Variants in SEC63 observed in about 807,000 individuals in gnomAD.
SEC63 encodes translocation protein SEC63 homolog.
SEC63 carries 56 observed loss-of-function variants against 116.2 expected under a neutral mutation model. The ratio of observed to expected loss-of-function variants is 0.48; its 90% CI spans 0.39 to 0.60. The LOEUF (loss-of-function observed/expected upper bound fraction) is 0.60, where lower values mean the gene tolerates loss of function less well. Among genes scored for constraint, SEC63 ranks in the 20% least tolerant of loss-of-function variants. The pLI is 0.00. For missense variants in SEC63, 668 were observed against 900.0 expected (o/e 0.74, Z 3.30); for synonymous variants, 273 against 294.6 (o/e 0.93, Z 0.75).
chr6:107,951,141 GCA>G (rs1434271434), intron 1 of SEC63, among the ~76,000 whole-genome samples: 5 of 152,166 alleles, frequency 3.3e-5, no homozygotes, highest in African/African-American at 1.2e-4. Context: ...TTACAAGAAA[GCA>G]CAAAGTGGGC....
intron 16 of SEC63, among the ~76,000 whole-genome samples, chr6:107,888,412 G>C (rs1436710246): frequency 6.6e-6 from 1 of 152,104 alleles, no homozygotes. Context: ...TTGGTGTATA[G>C]GAATGCTTGT....
intron 1 of SEC63, among the ~76,000 whole-genome samples, chr6:107,948,690 C>A (rs906044359): frequency 1.3e-5 from 2 of 152,112 alleles, no homozygotes; most frequent in Admixed American, 6.6e-5. Flanking sequence ...GACTTTCCTC[C>A]CTGCCCTCCT....
intron 1 of SEC63, among the ~76,000 whole-genome samples, chr6:107,935,204 T>C (rs1275178310): frequency 1.9e-4 from 28 of 150,050 alleles, no homozygotes; most frequent in Admixed American, 1.5e-3. Flanking sequence ...GCCGCCCGTC[T>C]GGGAGATGAG....
At position 107,909,039 on chromosome 6, in the gene SEC63, A is replaced by G; in HGVS notation, c.625-4T>C. 3 of 1,590,518 alleles carry G rather than the reference A, an allele frequency of 1.9e-6. No homozygotes were observed. Among genetic ancestry groups the G allele is most frequent in the Non-Finnish European group, 1.7e-6 (2 of 1,158,944 alleles). The stretch of plus-strand genomic sequence containing the variant: ...TTGAGCGATACCACCAAGAGCCCTA[A>G]AACACAAAAAAAATTAAACAAGAAA... On this transcript the variant is annotated splice_region_variant and splice_polypyrimidine_tract_variant and intron_variant, in intron 7 of 20. Coordinates refer to ENST00000369002, the MANE Select transcript of SEC63 (RefSeq NM_007214.5).
chr6:107,921,219 G>T (rs752702519), intron 4 of SEC63, among the ~76,000 whole-genome samples: 1 of 151,586 alleles, frequency 6.6e-6, no homozygotes, highest in Middle Eastern at 3.2e-3. Context: ...TCTAGAAATG[G>T]TAAGATCTAA....
chr6:107,903,766 T>G (rs1196287316), intron 11 of SEC63, among the ~76,000 whole-genome samples: 1 of 152,140 alleles, frequency 6.6e-6, no homozygotes, highest in African/African-American at 2.4e-5. Flanking sequence ...AATTCACTGT[T>G]AGAAAAAATG....
At chr6:107,945,777 A>C (rs909104937) in intron 1 of SEC63, among the ~76,000 whole-genome samples, 7 of 152,170 alleles carry the variant, frequency 4.6e-5, no homozygotes, top group Non-Finnish European at 1.0e-4. Context: ...TTATGTCTGA[A>C]TAAAAAGTAT....
chr6:107,903,857 T>C (rs112033998), intron 11 of SEC63, among the ~76,000 whole-genome samples: 2 of 152,102 alleles, frequency 1.3e-5, no homozygotes, highest in Admixed American at 6.6e-5. Flanking sequence ...TAAATTATCA[T>C]GCCTGTAATC....
At chr6:107,944,564 G>T (rs547237630) in intron 1 of SEC63, among the ~76,000 whole-genome samples, 12 of 152,230 alleles carry the variant, frequency 7.9e-5, no homozygotes, top group Admixed American at 2.0e-4. Context: ...GCAGGTGGTG[G>T]TGTATGCCTG....
At position 107,876,851 on chromosome 6, in the gene SEC63, C is replaced by T. The variant is rs564790189; in HGVS notation, c.1936-189G>A. On this transcript the variant is annotated intron_variant, in intron 18 of 20. Coordinates refer to ENST00000369002, the MANE Select transcript of SEC63 (RefSeq NM_007214.5). ...GTTCTTAACATTTGTAGATCCATTGCCTAAAAGCATTTTGTATGCAATTTT... is the reference window on the plus strand; with the variant it reads ...GTTCTTAACATTTGTAGATCCATTGTCTAAAAGCATTTTGTATGCAATTTT... 9.0e-6 allele frequency: 5 copies of T among 555,930 alleles called. No homozygotes were observed. In the East Asian group the frequency reaches 1.5e-4, roughly 17 times the overall value. 34.4% of individuals were successfully genotyped at this position (555,930 alleles called of 1,614,324 possible).
At chr6:107,911,970 T>C (rs1787293600) in intron 6 of SEC63, among the ~76,000 whole-genome samples, 1 of 152,218 alleles carries the variant, frequency 6.6e-6, no homozygotes. Flanking sequence ...TAGTAACTTA[T>C]TCCTTCTCGA....
In SEC63 at chr6:107,915,505, C is replaced by T. The variant is rs534796356; in HGVS notation, c.453-2078G>A. Among the ~76,000 whole-genome samples the T allele has an allele frequency of 7.6e-4, 115 of 152,086 alleles. 3 individuals carry two copies. The highest frequency in any genetic ancestry group is 1.5e-3 in the South Asian group (7 of 4,816). On this transcript the variant is annotated intron_variant, in intron 4 of 20. Transcript: ENST00000369002. ...TAACATATCTTTAAGGTGACAACAACGCTGCCCACTTGCTATACAATAGCT... is the reference window on the plus strand; with the variant it reads ...TAACATATCTTTAAGGTGACAACAATGCTGCCCACTTGCTATACAATAGCT...
In SEC63 at chr6:107,886,846, T is replaced by G. The variant is rs1284888346; in HGVS notation, c.1675-3700A>C. 5.4e-3 allele frequency among the ~76,000 whole-genome samples: 442 copies of G among 82,558 alleles called. 3 individuals are homozygous for G. The highest frequency in any genetic ancestry group is 0.027 in the African/African-American group (412 of 15,426). The allele number at this position is 82,558 out of a possible 152,430, so 54.2% of individuals were successfully genotyped here. ...GATGATAGTTTTTTGTTTTTTTGGG[T>G]TTTTTTTTTTTTTTTTGCTGTGCAG... On this transcript the variant is annotated intron_variant, in intron 16 of 20. Coordinates refer to ENST00000369002, the MANE Select transcript of SEC63 (RefSeq NM_007214.5).
chr6:107,944,568 A>G lies in SEC63; in HGVS notation c.124+13318T>C, dbSNP rs1770441884. The stretch of plus-strand genomic sequence containing the variant: ...AAAAATTAGCTGCAGGTGGTGGTGT[A>G]TGCCTGTAATCCCAAGTACTCAGGA... On this transcript the variant is annotated intron_variant, in intron 1 of 20. Coordinates refer to ENST00000369002, the MANE Select transcript of SEC63 (RefSeq NM_007214.5). Among the ~76,000 whole-genome samples, 3 of 152,210 alleles carry G rather than the reference A, an allele frequency of 2.0e-5. No individual in the cohort carries two copies. The South Asian group carries it at 6.2e-4, about 32-fold the overall frequency.
At chr6:107,947,254 G>A (rs1392443370) in intron 1 of SEC63, among the ~76,000 whole-genome samples, 2 of 152,054 alleles carry the variant, frequency 1.3e-5, no homozygotes, top group Non-Finnish European at 2.9e-5. Flanking sequence ...CCAAGATTGT[G>A]CTACTGCACT....
chr6:107,917,963 A>C (rs1787450387), intron 4 of SEC63, among the ~76,000 whole-genome samples: 1 of 152,214 alleles, frequency 6.6e-6, no homozygotes, highest in South Asian at 2.1e-4. Flanking sequence ...ATAGCCTTAT[A>C]CTGGAAAAAT....
intron 16 of SEC63, among the ~76,000 whole-genome samples, chr6:107,891,895 C>T (rs1277652415): frequency 6.6e-6 from 1 of 152,214 alleles, no homozygotes; most frequent in African/African-American, 2.4e-5. Context: ...AGGCTGCAGA[C>T]CAGCAAAGAT....
chr6:107,911,455 T>C, intron 6 of SEC63, 59 bp from the exon 7 acceptor site: 3 of 1,175,638 alleles, frequency 2.6e-6, no homozygotes, highest in Non-Finnish European at 2.5e-6. Flanking sequence ...ACAACATCCA[T>C]GAATTTATTT....
chr6:107,945,284 T>C (rs956994861), intron 1 of SEC63, among the ~76,000 whole-genome samples: 1 of 151,740 alleles, frequency 6.6e-6, no homozygotes, highest in Non-Finnish European at 1.5e-5. Flanking sequence ...AATTCCAAAA[T>C]GTAAAGAATA....
Sources: gnomAD v4.1 joint callset for allele counts (sites outside exome capture counted in the v4.1 genomes callset) on GRCh38, gnomAD v4.1.1 for gene constraint, MANE v1.5 for transcripts, NCBI Gene and HGNC (gene_info 2026-07-23, HGNC 2026-07-21) for gene names.